The following HGS variants were observed in gnomAD, a reference collection of about 807,000 sequenced individuals.
HGS encodes the protein human growth factor-regulated tyrosine kinase substrate.
In HGS, 63 loss-of-function variants were observed where a neutral mutation model predicts 109.7. The observed-to-expected ratio is 0.57, with a 90% CI of 0.47 to 0.71. HGS has a LOEUF of 0.71. HGS is among the 30% of genes least tolerant of loss of function. The probability of loss-of-function intolerance (pLI) is 0.00; values close to 1 mark genes in which losing one functional copy is unlikely to be tolerated. For missense variants in HGS, 995 were observed against 1,068.3 expected (o/e 0.93, Z 0.96); for synonymous variants, 546 against 437.3 (o/e 1.25, Z -3.10).
At chr17:81,688,284 G>A (rs542879668) in intron 4 of HGS, among the ~76,000 whole-genome samples, 4 of 152,288 alleles carry the variant, frequency 2.6e-5, no homozygotes, top group Non-Finnish European at 1.5e-5. Context: ...GCTGCCCCCC[G>A]CGTCTCCCCG....
At chr17:81,688,384 G>A (rs2037014249) in intron 4 of HGS, among the ~76,000 whole-genome samples, 1 of 152,220 alleles carries the variant, frequency 6.6e-6, no homozygotes, top group Admixed American at 6.5e-5. Flanking sequence ...CAGGCCTGCC[G>A]GGTCCTGCCT....
chr17:81,696,718 A>C lies in HGS; in HGVS notation c.1678A>C (p.Met560Leu), dbSNP rs145885089. 6.2e-7 allele frequency: 1 copy of C among 1,608,262 alleles called. No individual in the cohort carries two copies. The highest frequency in any genetic ancestry group is 1.1e-5 in the South Asian group (1 of 90,916). The change falls in exon 17 of 22, where the codon ATG becomes CTG. Residue 560 changes from methionine (M) to leucine (L), a missense_variant. Met to Leu is a conservative substitution (Grantham distance 15). Transcript: ENST00000329138. ...GCAGACGGTCCAGATGCGCGCGCAGATGCCCGCCTTCCCCCTGCCCTACGC... is the reference window on the plus strand; with the variant it reads ...GCAGACGGTCCAGATGCGCGCGCAGCTGCCCGCCTTCCCCCTGCCCTACGC... The part of the protein sequence containing the change: ...QKQTVQMRAQ[M>L]PAFPLPYAQL...
At chr17:81,693,805 T>C (rs1411816477) in intron 10 of HGS, 53 bp downstream of exon 10, 1 of 1,549,890 alleles carries the variant, frequency 6.5e-7, no homozygotes, top group South Asian at 1.2e-5. Flanking sequence ...CCCCTGGATG[T>C]GCTGCGGTGG....
chr17:81,701,455 C>T, intron 21 of HGS, 53 bp from the exon 22 acceptor site: 1 of 1,511,618 alleles, frequency 6.6e-7, no homozygotes, highest in Non-Finnish European at 8.9e-7. Flanking sequence ...AAGCCTTCCT[C>T]CCTGGGCTGG....
chr17:81,698,732 C>T (rs1003384496), intron 18 of HGS, among the ~76,000 whole-genome samples: 2 of 152,084 alleles, frequency 1.3e-5, no homozygotes, highest in Non-Finnish European at 2.9e-5. Flanking sequence ...GTTGTGGGTG[C>T]GTCTGTGTAT....
Position 81,684,073 on chromosome 17 carries a change from C to T in HGS, c.7C>T (p.Arg3Ter), listed in dbSNP as rs1302855697. MG[R>*]GSGTFERLLD... ...GTTTGGGCTGGAGGTCGCCATGGGG[C>T]GAGGCAGCGGCACCTTCGAGCGTCT... The change falls in exon 1 of 22, where the codon CGA becomes TGA. Residue 3 changes from arginine (R) to a stop codon, truncating the protein, a stop_gained. Transcript: ENST00000329138. LOFTEE classifies it high-confidence loss of function. 1 of 1,594,332 alleles carries T rather than the reference C, an allele frequency of 6.3e-7. No homozygotes were observed. Among genetic ancestry groups the T allele is most frequent in the South Asian group, 1.1e-5 (1 of 88,672 alleles).
chr17:81,694,578 C>G (rs1438388103), intron 11 of HGS, among the ~76,000 whole-genome samples: 1 of 152,222 alleles, frequency 6.6e-6, no homozygotes, highest in Non-Finnish European at 1.5e-5. Context: ...CCTGTTCCTC[C>G]CATAGCAAGG....
intron 1 of HGS, 138 bp downstream of exon 1, chr17:81,684,241 G>T: frequency 1.2e-6 from 1 of 805,176 alleles, no homozygotes; most frequent in Non-Finnish European, 1.7e-6. Context: ...TGTCCTCCCG[G>T]GTTCGGAGCC....
chr17:81,697,153 T>G, intron 18 of HGS, 155 bp downstream of exon 18: 3 of 801,356 alleles, frequency 3.7e-6, no homozygotes, highest in Non-Finnish European at 5.7e-6. Context: ...GCAAACGCAC[T>G]CACACAGGCT....
chr17:81,690,286 T>C, intron 6 of HGS, 52 bp downstream of exon 6: 1 of 1,576,542 alleles, frequency 6.3e-7, no homozygotes, highest in Non-Finnish European at 8.7e-7. Flanking sequence ...TCAGGAAGCG[T>C]GAAGGGGAGT....
At chr17:81,688,849 G>C in intron 5 of HGS, 22 bp downstream of exon 5, 1 of 1,613,968 alleles carries the variant, frequency 6.2e-7, no homozygotes, top group Non-Finnish European at 8.5e-7. Context: ...CTGAGGTTGG[G>C]ACCAGGTTGA....
chr17:81,690,598 TG>T, intron 6 of HGS, 75 bp from the exon 7 acceptor site: 1 of 1,434,130 alleles, frequency 7.0e-7, no homozygotes, highest in Non-Finnish European at 9.6e-7. Flanking sequence ...TTGCCTTCTG[TG>T]GGGCAGGGGA....
chr17:81,697,085 G>A (rs990325556), intron 18 of HGS, 87 bp downstream of exon 18: 17 of 1,394,248 alleles, frequency 1.2e-5, no homozygotes, highest in Admixed American at 4.6e-5. Flanking sequence ...AGAATGGTGC[G>A]AAGGGTTTTC....
Position 81,684,053 on chromosome 17 carries a change from G to T in HGS, c.-14G>T, listed in dbSNP as rs2036927746. 1 of 1,593,112 alleles carries T rather than the reference G, an allele frequency of 6.3e-7. No homozygotes were observed. ...GGGAGCGCCCGCGGCGTCGGGTTTG[G>T]GCTGGAGGTCGCCATGGGGCGAGGC... is the stretch of plus-strand genomic sequence containing the variant. On this transcript the variant is annotated 5_prime_UTR_variant, in exon 1 of 22. Coordinates refer to ENST00000329138, the MANE Select transcript of HGS (RefSeq NM_004712.5).
Position 81,696,450 on chromosome 17 carries a change from G to T in HGS, c.1487G>T (p.Arg496Leu). ...ALREEHREKL[R>L]RAAEEAERQR... Reference sequence around the variant, plus strand: ...CGCGAAGAGCACCGGGAGAAGCTTCGCCGGGCAGCCGAGGAGGCAGAGCGC... The same window carrying T: ...CGCGAAGAGCACCGGGAGAAGCTTCTCCGGGCAGCCGAGGAGGCAGAGCGC... Residue 496 changes from arginine to leucine, a missense_variant, in exon 16 of 22, where the codon CGC becomes CTC. This residue lies in a region of HGS where 163 missense variants were observed against 217.8 expected (regional missense o/e 0.75). Coordinates refer to ENST00000329138, the MANE Select transcript of HGS (RefSeq NM_004712.5). 6.5e-7 allele frequency: 1 copy of T among 1,544,720 alleles called. No homozygotes were observed. The highest frequency in any genetic ancestry group is 8.7e-7 in the Non-Finnish European group (1 of 1,147,140).
At position 81,693,871 on chromosome 17, in the gene HGS, G is replaced by A; in HGVS notation, c.842G>A (p.Arg281Lys). The A allele has an allele frequency of 6.2e-7, 1 of 1,606,878 alleles. No homozygotes were observed. Among genetic ancestry groups the A allele is most frequent in the Non-Finnish European group, 8.5e-7 (1 of 1,178,148 alleles). The change falls in exon 11 of 22, where the codon AGA becomes AAA. Residue 281 changes from arginine to lysine, a missense_variant and splice_region_variant. Arg to Lys is a conservative substitution (Grantham distance 26, BLOSUM62 2). Coordinates refer to ENST00000329138, the MANE Select transcript of HGS (RefSeq NM_004712.5). The part of the protein sequence containing the change: ...QSEAEEKERL[R>K]QKSTYTSYPK... The stretch of plus-strand genomic sequence containing the variant: ...ACGCCCCTTCTGATTCTGCCTCAGA[G>A]ACAGAAGTCCACGTACACTTCGTAC...
chr17:81,694,465 C>T (rs987164767), intron 11 of HGS, among the ~76,000 whole-genome samples: 1 of 152,206 alleles, frequency 6.6e-6, no homozygotes, highest in Non-Finnish European at 1.5e-5. Flanking sequence ...GCCACCCCTT[C>T]CCTTCTTCCC....
At chr17:81,685,913 C>T (rs565222230) in intron 2 of HGS, among the ~76,000 whole-genome samples, 3 of 152,092 alleles carry the variant, frequency 2.0e-5, no homozygotes, top group Non-Finnish European at 4.4e-5. Context: ...CTTCGGGGTT[C>T]TCAAAGACTA....
chr17:81,693,652 A>T lies in HGS; in HGVS notation c.742-2A>T. The T allele has an allele frequency of 6.5e-7, 1 of 1,540,340 alleles. No individual in the cohort carries two copies. Reference sequence around the variant, plus strand: ...CCCCTCACCCTCCCCGCTTGTCCTCAGCTGCCCCCCAAGAGGGACGAGACG... The same window carrying T: ...CCCCTCACCCTCCCCGCTTGTCCTCTGCTGCCCCCCAAGAGGGACGAGACG... On this transcript the variant is annotated splice_acceptor_variant, in intron 9 of 21. Coordinates refer to ENST00000329138, the MANE Select transcript of HGS (RefSeq NM_004712.5). LOFTEE classifies it high-confidence loss of function.
Sources: gnomAD v4.1 joint callset for allele counts (sites outside exome capture counted in the v4.1 genomes callset) on GRCh38, gnomAD v4.1.1 for gene constraint, gnomAD v4.1.1 regional missense constraint, MANE v1.5 for transcripts, NCBI Gene and HGNC (gene_info 2026-07-23, HGNC 2026-07-21) for gene names.